Variants in BIRC6 observed in about 807,000 individuals in gnomAD.
The protein encoded by BIRC6 is dual E2 ubiquitin-conjugating enzyme/E3 ubiquitin-protein ligase BIRC6.
BIRC6 carries 98 observed loss-of-function variants against 503.3 expected under a neutral mutation model. That is an observed-to-expected ratio of 0.19 (90% CI 0.17 to 0.23). The LOEUF is 0.23. Ranked by LOEUF, BIRC6 falls within the 10% of genes least tolerant of loss-of-function variation. The pLI is 1.00. For synonymous variants in BIRC6, 2,240 were observed against 2,078.7 expected (o/e 1.08, Z -2.11); for missense variants, 5,360 against 5,806.0 (o/e 0.92, Z 2.50).
At position 32,445,683 on chromosome 2, in the gene BIRC6, C is replaced by A. The variant is rs777182795; in HGVS notation, c.4484+15C>A. On this transcript the variant is annotated intron_variant, in intron 21 of 73. Transcript: ENST00000421745. ...CTTCAGACAAGGTATTTTAGTATAT[C>A]TAATGACTAATAATAGGCGTCTCTG... 6.7e-7 allele frequency: 1 copy of A among 1,482,818 alleles called. No homozygotes were observed. Among genetic ancestry groups the A allele is most frequent in the Non-Finnish European group, 9.0e-7 (1 of 1,109,636 alleles). The allele number at this position is 1,482,818 out of a possible 1,614,324, so 91.9% of individuals were successfully genotyped here.
rs764800568 is a variant in BIRC6 at position 32,515,737 on chromosome 2, A to G, written c.11316A>G (p.Ser3772=). The change falls in exon 55 of 74, where the codon TCA becomes TCG. Residue 3772 remains serine (S), a synonymous_variant. Transcript: ENST00000421745. ...ATVAFFLQCI[S]CHPNNQKLMA... is the part of the protein sequence containing the mutation. ...TTGCGTTCTTTCTACAGTGCATTTC[A>G]TGCCATCCTAATAATCAAAAGCTGA... is the stretch of plus-strand genomic sequence containing the variant. The G allele has an allele frequency of 1.4e-5, 22 of 1,599,938 alleles. No individual in the cohort carries two copies. Among genetic ancestry groups the G allele is most frequent in the Non-Finnish European group, 1.7e-5 (20 of 1,179,506 alleles).
At position 32,582,107 on chromosome 2, in the gene BIRC6, C is replaced by A. The variant is rs370293855; in HGVS notation, c.13355+6741C>A. Among the ~76,000 whole-genome samples the A allele has an allele frequency of 9.2e-5, 14 of 152,282 alleles. No individual in the cohort carries two copies. In the South Asian group the frequency reaches 2.7e-3, roughly 29 times the overall value. On this transcript the variant is annotated intron_variant, in intron 66 of 73. Transcript: ENST00000421745. ...CTCCTGACCTCAAGTGATCTGCCCC[C>A]CTCCGCCTCCCAAAGTGTTGGGATT...
chr2:32,564,485 G>C (rs186334657), intron 65 of BIRC6: 2 of 152,162 alleles, frequency 1.3e-5, no homozygotes, highest in Non-Finnish European at 2.9e-5. Flanking sequence ...ATATACCTAG[G>C]ATGGAATTGT....
At position 32,468,503 on chromosome 2, in the gene BIRC6, T is replaced by G; in HGVS notation, c.5847T>G (p.Ser1949Arg). ...GTATTGATCTTCCTCCTCTAAACAG[T>G]GCTAACAATGCACAGTACTTTTTAC... ...LQSIDLPPLN[S>R]ANNAQYFLRK... Residue 1949 changes from serine (S) to arginine (R), a missense_variant, in exon 29 of 74, where the codon AGT becomes AGG. Around this residue, in one of 16 missense-constraint regions of BIRC6, gnomAD observed 2,299 missense variants for 2,267.2 expected, o/e 1.01. Coordinates refer to ENST00000421745, the MANE Select transcript of BIRC6 (RefSeq NM_016252.4). 1 of 1,613,926 alleles carries G rather than the reference T, an allele frequency of 6.2e-7. No homozygotes were observed. The highest frequency in any genetic ancestry group is 8.5e-7 in the Non-Finnish European group (1 of 1,179,844).
chr2:32,592,913 C>T (rs972924374), intron 66 of BIRC6, among the ~76,000 whole-genome samples: 3 of 152,090 alleles, frequency 2.0e-5, no homozygotes, highest in African/African-American at 7.2e-5. Context: ...AAGGATTCTT[C>T]TACTGTCTGT....
chr2:32,431,257 G>A (rs1342063064), intron 12 of BIRC6, among the ~76,000 whole-genome samples, 167 bp downstream of exon 12: 2 of 121,746 alleles, frequency 1.6e-5, no homozygotes. Flanking sequence ...GTGCAGTGGC[G>A]CAATCTCGGC....
intron 23 of BIRC6, among the ~76,000 whole-genome samples, chr2:32,457,473 A>ACCGTTCT (rs1339463109): frequency 2.6e-5 from 4 of 151,820 alleles, no homozygotes; most frequent in Non-Finnish European, 5.9e-5. Flanking sequence ...TTTTTCTTGA[A>ACCGTTCT]CCGTTCTTTT....
rs1293238118 is a variant in BIRC6, at chr2:32,509,955, C to G, written c.10198C>G (p.Leu3400Val). 1 of 1,613,976 alleles carries G rather than the reference C, an allele frequency of 6.2e-7. No individual in the cohort carries two copies. Among genetic ancestry groups the G allele is most frequent in the Non-Finnish European group, 8.5e-7 (1 of 1,179,884 alleles). Reference protein sequence around the residue: ...TRIGLKLIDILLRNCAASGSD... With the variant: ...TRIGLKLIDIVLRNCAASGSD... ...AATTGGCCTGAAGCTCATAGACATTCTCCTGAGAAATTGTGCAGCATCAGG... is the reference window on the plus strand; with the variant it reads ...AATTGGCCTGAAGCTCATAGACATTGTCCTGAGAAATTGTGCAGCATCAGG... Residue 3400 changes from leucine (L) to valine (V), a missense_variant, in exon 52 of 74, where the codon CTC becomes GTC. This residue lies in a region of BIRC6 where 878 missense variants were observed against 928.9 expected (regional missense o/e 0.95). Coordinates refer to ENST00000421745, the MANE Select transcript of BIRC6 (RefSeq NM_016252.4).
At position 32,465,068 on chromosome 2, in the gene BIRC6, C is replaced by A; in HGVS notation, c.5260C>A (p.Pro1754Thr). 1 of 1,575,534 alleles carries A rather than the reference C, an allele frequency of 6.3e-7. No homozygotes were observed. The highest frequency in any genetic ancestry group is 8.6e-7 in the Non-Finnish European group (1 of 1,157,068). Residue 1754 changes from proline to threonine, a missense_variant, in exon 26 of 74, where the codon CCA becomes ACA. Around this residue, in one of 16 missense-constraint regions of BIRC6, gnomAD observed 2,299 missense variants for 2,267.2 expected, o/e 1.01. Transcript: ENST00000421745. Reference protein sequence around the residue: ...NKNSNKSRMNPLGSGLALAIS... With the variant: ...NKNSNKSRMNTLGSGLALAIS... ...TTTTTTTTTTTCCCTGCTCTAGAAT[C>A]CACTTGGTTCTGGTCTAGCCCTTGC...
At chr2:32,582,865 A>C (rs937979358) in intron 66 of BIRC6, among the ~76,000 whole-genome samples, 3 of 152,196 alleles carry the variant, frequency 2.0e-5, no homozygotes, top group African/African-American at 7.2e-5. Context: ...CTTATTATAG[A>C]GTTTTCACTA....
Position 32,554,709 on chromosome 2 carries a change from G to C in BIRC6, c.13144+5228G>C, listed in dbSNP as rs187885840. 2.7e-3 allele frequency among the ~76,000 whole-genome samples: 407 copies of C among 151,792 alleles called. 6 individuals are homozygous for C. Among genetic ancestry groups the C allele is most frequent in the African/African-American group, 9.6e-3 (398 of 41,404 alleles). ...ATTACTGCATTTTGATATACCATCT[G>C]ATTTTTCTCACAGTGTATTTTGTAT... is the stretch of plus-strand genomic sequence containing the variant. On this transcript the variant is annotated intron_variant, in intron 65 of 73. Transcript: ENST00000421745.
chr2:32,525,048 TTTTG>T, intron 58 of BIRC6, 29 bp downstream of exon 58: 1 of 1,454,616 alleles, frequency 6.9e-7, no homozygotes, highest in Non-Finnish European at 9.0e-7. Flanking sequence ...ATAATCTTGA[TTTTG>T]TTTGGGTTTC....
intron 44 of BIRC6, among the ~76,000 whole-genome samples, chr2:32,492,645 T>C (rs977665347): frequency 1.3e-5 from 2 of 152,024 alleles, no homozygotes; most frequent in Non-Finnish European, 2.9e-5. Context: ...GAACAAGGCA[T>C]TGCAAAAAAT....
Position 32,395,521 on chromosome 2 carries a change from C to G in BIRC6, c.962C>G (p.Ser321Cys). 3 of 1,609,052 alleles carry G rather than the reference C, an allele frequency of 1.9e-6. No homozygotes were observed. The highest frequency in any genetic ancestry group is 2.6e-6 in the Non-Finnish European group (3 of 1,176,464). Reference sequence around the variant, plus strand: ...TTTATAATTTTGCAGCCTGCCTCATCTGGAGATGATAGAGCCATGTGTTTT... The same window carrying G: ...TTTATAATTTTGCAGCCTGCCTCATGTGGAGATGATAGAGCCATGTGTTTT... ...QAGFYHQPASSGDDRAMCFTC... is the reference protein window; with the variant it reads ...QAGFYHQPASCGDDRAMCFTC... The change falls in exon 6 of 74, where the codon TCT becomes TGT. Residue 321 changes from serine (S) to cysteine (C), a missense_variant. Coordinates refer to ENST00000421745, the MANE Select transcript of BIRC6 (RefSeq NM_016252.4).
rs1350985509 is a variant in BIRC6, at chr2:32,479,391, A to G, written c.7253-71A>G. On this transcript the variant is annotated intron_variant, in intron 36 of 73. Transcript: ENST00000421745. Reference sequence around the variant, plus strand: ...TTCTGTCAGTGACTAAACTGGAGGAAAAAAATGTGCTGTAATACATTTTCG... The same window carrying G: ...TTCTGTCAGTGACTAAACTGGAGGAGAAAAATGTGCTGTAATACATTTTCG... The G allele has an allele frequency of 2.1e-6, 3 of 1,423,114 alleles. No individual in the cohort carries two copies. In the African/African-American group the frequency reaches 4.3e-5, roughly 20 times the overall value. The allele number at this position is 1,423,114 out of a possible 1,614,324, so 88.2% of individuals were successfully genotyped here.
chr2:32,433,634 T>TA lies in BIRC6; in HGVS notation c.3249-9dup. The TA allele has an allele frequency of 6.5e-7, 1 of 1,531,888 alleles. No individual in the cohort carries two copies. 94.9% of individuals were successfully genotyped at this position (1,531,888 alleles called of 1,614,324 possible). On this transcript the variant is annotated splice_polypyrimidine_tract_variant and intron_variant, in intron 12 of 73. Coordinates refer to ENST00000421745, the MANE Select transcript of BIRC6 (RefSeq NM_016252.4). ...TTGCTTTATTTAGCATTTTTCCCCT[T>TA]ATTTGACAGCAACAGCTGGGATGAA...
intron 50 of BIRC6, among the ~76,000 whole-genome samples, chr2:32,507,297 G>T (rs1342072700): frequency 2.0e-5 from 3 of 152,126 alleles, no homozygotes; most frequent in Non-Finnish European, 4.4e-5. Context: ...AGATGTAGTG[G>T]CACCTACCTG....
rs921576583 is a variant in BIRC6, at chr2:32,482,040, A to G, written c.7543-389A>G. 3.3e-5 allele frequency among the ~76,000 whole-genome samples: 5 copies of G among 152,352 alleles called. No homozygotes were observed. In the East Asian group the frequency reaches 9.6e-4, roughly 29 times the overall value. On this transcript the variant is annotated intron_variant, in intron 38 of 73. Coordinates refer to ENST00000421745, the MANE Select transcript of BIRC6 (RefSeq NM_016252.4). ...CATTTAAGTATACAGAAGTATAGTT[A>G]TAGATCACCAACATTTCAGACAGCC...
At chr2:32,436,601 A>C (rs2044733240) in intron 15 of BIRC6, among the ~76,000 whole-genome samples, 1 of 152,016 alleles carries the variant, frequency 6.6e-6, no homozygotes, top group South Asian at 2.1e-4. Flanking sequence ...TGTTTTTTTG[A>C]GACAGTCTCA....
Sources: allele counts gnomAD v4.1 joint callset (sites outside exome capture counted in the v4.1 genomes callset), GRCh38; gene constraint gnomAD v4.1.1; regional missense constraint gnomAD v4.1.1; transcripts MANE v1.5; gene names NCBI Gene and HGNC (gene_info 2026-07-23, HGNC 2026-07-21).